Variants in CCDC171 observed in about 807,000 individuals in gnomAD.
The protein encoded by CCDC171 is coiled-coil domain containing 171, also known as coiled-coil domain-containing protein 171.
Under a neutral mutation model 168.2 loss-of-function variants are expected in CCDC171, and 177 were observed. The ratio of observed to expected loss-of-function variants is 1.05; its 90% CI spans 0.93 to 1.19. CCDC171 has a LOEUF of 1.19. Ranked by LOEUF, CCDC171 falls within the 50% of genes most tolerant of loss-of-function variation. The pLI, the probability that CCDC171 is intolerant of heterozygous loss-of-function variation, is 0.00. For synonymous variants in CCDC171, 687 were observed against 540.8 expected, an observed-to-expected ratio of 1.27 and a Z score of -3.75; for missense variants, 1,991 against 1,539.0, an observed-to-expected ratio of 1.29 and a Z score of -4.91.
intron 18 of CCDC171, among the ~76,000 whole-genome samples, chr9:15,757,482 AG>A (rs1410615273): frequency 6.6e-6 from 1 of 152,234 alleles, no homozygotes; most frequent in African/African-American, 2.4e-5. Context: ...AAAGGCATTT[AG>A]TTTTATAAGA....
chr9:15,640,999 A>G (rs1158627290), intron 7 of CCDC171, among the ~76,000 whole-genome samples: 2 of 152,176 alleles, frequency 1.3e-5, no homozygotes, highest in Non-Finnish European at 2.9e-5. Context: ...AGCTATTAAA[A>G]TGTAACAAAA....
intron 4 of CCDC171, among the ~76,000 whole-genome samples, chr9:15,580,649 T>C (rs2041037586): frequency 6.6e-6 from 1 of 152,112 alleles, no homozygotes; most frequent in African/African-American, 2.4e-5. Flanking sequence ...TCACTAATTA[T>C]CAGGGACATG....
intron 18 of CCDC171, among the ~76,000 whole-genome samples, chr9:15,759,922 G>C (rs2056352490): frequency 6.6e-6 from 1 of 152,068 alleles, no homozygotes. Context: ...AGGAATATCA[G>C]TTTAGCTTTG....
At chr9:15,986,128 G>A (rs1334437521) in intron 3 of CCDC171, among the ~76,000 whole-genome samples, 1 of 152,148 alleles carries the variant, frequency 6.6e-6, no homozygotes, top group Admixed American at 6.5e-5. Context: ...GTGAAATCTG[G>A]GCCTCATTGC....
intron 7 of CCDC171, among the ~76,000 whole-genome samples, chr9:15,635,362 A>G (rs919202843): frequency 6.6e-6 from 1 of 152,128 alleles, no homozygotes; most frequent in Non-Finnish European, 1.5e-5. Context: ...CTTTTTAAAA[A>G]TGGATTGTTT....
intron 25 of CCDC171, among the ~76,000 whole-genome samples, chr9:15,950,051 G>A (rs1828931293): frequency 6.6e-6 from 1 of 152,170 alleles, no homozygotes; most frequent in African/African-American, 2.4e-5. Context: ...TGAATGAAAT[G>A]AAGCGAGAAG....
At chr9:15,687,945 C>T (rs1002235167) in intron 10 of CCDC171, among the ~76,000 whole-genome samples, 1 of 151,906 alleles carries the variant, frequency 6.6e-6, no homozygotes, top group South Asian at 2.1e-4. Flanking sequence ...GTAGCGAAAC[C>T]CCGTCTGTAC....
chr9:15,948,416 G>A (rs1267281443), intron 25 of CCDC171, among the ~76,000 whole-genome samples: 2 of 139,398 alleles, frequency 1.4e-5, no homozygotes, highest in Non-Finnish European at 3.1e-5. Context: ...CTTCCACAAT[G>A]GTAGAACTAG....
chr9:15,855,617 C>T (rs1317917398), intron 23 of CCDC171, among the ~76,000 whole-genome samples: 3 of 151,778 alleles, frequency 2.0e-5, no homozygotes, highest in Non-Finnish European at 4.4e-5. Context: ...TTCCTCAGTT[C>T]TTCTACGATT....
At chr9:15,853,056 G>T (rs796565084) in intron 23 of CCDC171, among the ~76,000 whole-genome samples, 4 of 151,704 alleles carry the variant, frequency 2.6e-5, no homozygotes, top group African/African-American at 9.6e-5. Context: ...GACTATTCAA[G>T]TTCTCTCATA....
intron 6 of CCDC171, among the ~76,000 whole-genome samples, chr9:16,028,851 C>T (rs1042944533): frequency 6.6e-6 from 1 of 152,158 alleles, no homozygotes; most frequent in Non-Finnish European, 1.5e-5. Context: ...TCTGGGACTT[C>T]CCCTAGTATT....
intron 4 of CCDC171, among the ~76,000 whole-genome samples, chr9:15,585,344 C>G (rs2041473307): frequency 6.6e-6 from 1 of 152,128 alleles, no homozygotes; most frequent in African/African-American, 2.4e-5. Context: ...AAAAGACATT[C>G]ATTAACAAGA....
intron 10 of CCDC171, among the ~76,000 whole-genome samples, chr9:15,688,900 G>A (rs1211874442): frequency 2.0e-5 from 3 of 152,258 alleles, no homozygotes; most frequent in Admixed American, 2.0e-4. Context: ...TTTTGGAAAG[G>A]TAGAAGTAAA....
At chr9:15,664,607 T>G (rs546558818) in intron 8 of CCDC171, among the ~76,000 whole-genome samples, 5 of 56,644 alleles carry the variant, frequency 8.8e-5, no homozygotes, top group Non-Finnish European at 1.1e-4. Context: ...AGTTGTTTTG[T>G]AGCCTTTTTA....
At chr9:15,675,294 A>T (rs2049456906) in intron 9 of CCDC171, among the ~76,000 whole-genome samples, 1 of 142,058 alleles carries the variant, frequency 7.0e-6, no homozygotes, top group African/African-American at 2.6e-5. Context: ...TCTCCTGTAT[A>T]CAGCACACTG....
At chr9:15,999,236 A>G (rs1832462347) in intron 3 of CCDC171, among the ~76,000 whole-genome samples, 2 of 151,504 alleles carry the variant, frequency 1.3e-5, no homozygotes, top group Admixed American at 6.6e-5. Context: ...AGGAAGAAAG[A>G]TAGAAAGAAA....
intron 7 of CCDC171, among the ~76,000 whole-genome samples, chr9:15,644,002 A>G (rs1165205111): frequency 1.3e-5 from 2 of 152,116 alleles, no homozygotes; most frequent in African/African-American, 4.8e-5. Flanking sequence ...GGTGCATTCC[A>G]TCTTTGGCTG....
intron 3 of CCDC171, among the ~76,000 whole-genome samples, chr9:16,010,246 A>G (rs1337119513): frequency 6.6e-6 from 1 of 152,110 alleles, no homozygotes; most frequent in East Asian, 1.9e-4. Flanking sequence ...CTTCTTGTTG[A>G]TTTTATGTGA....
At chr9:15,874,711 A>G in intron 24 of CCDC171, 48 bp downstream of exon 24, 1 of 1,461,408 alleles carries the variant, frequency 6.8e-7, no homozygotes, top group Non-Finnish European at 9.1e-7. Flanking sequence ...ATAGAAAAAT[A>G]AATTGCACTA....
Sources: gnomAD v4.1 joint callset for allele counts (sites outside exome capture counted in the v4.1 genomes callset) on GRCh38, gnomAD v4.1.1 for gene constraint, MANE v1.5 for transcripts, NCBI Gene and HGNC (gene_info 2026-07-23, HGNC 2026-07-21) for gene names.